PDE1C: variants seen among roughly 807,000 people sequenced by gnomAD.
PDE1C encodes dual specificity calcium/calmodulin-dependent 3',5'-cyclic nucleotide phosphodiesterase 1C.
PDE1C carries 62 observed loss-of-function variants against 93.1 expected under a neutral mutation model. The ratio of observed to expected loss-of-function variants is 0.67; its 90% CI spans 0.54 to 0.82. The LOEUF is 0.82. Among genes scored for constraint, PDE1C ranks in the 40% least tolerant of loss-of-function variants. PDE1C has a pLI of 0.00. For missense variants in PDE1C, 742 were observed against 884.6 expected (o/e 0.84, Z 2.04); for synonymous variants, 325 against 310.1 (o/e 1.05, Z -0.50).
intron 1 of PDE1C, among the ~76,000 whole-genome samples, chr7:32,336,482 T>G (rs1301996796): frequency 2.6e-5 from 4 of 152,190 alleles, no homozygotes; most frequent in Non-Finnish European, 5.9e-5. Context: ...ATTAGAAACA[T>G]AAGTCTCATA....
intron 3 of PDE1C, among the ~76,000 whole-genome samples, chr7:32,113,232 CTTAAATATATATATATATATAT>C (rs1369410737): frequency 2.3e-5 from 1 of 42,938 alleles, no homozygotes; most frequent in Non-Finnish European, 4.4e-5. Flanking sequence ...ATATATTGTC[CTTAAATATATATATATATATAT>C]ATATATATAT....
In PDE1C at chr7:32,096,816, TAGAA is replaced by T. The variant is rs1177223261; in HGVS notation, c.308+72965_308+72968del. On this transcript the variant is annotated intron_variant, in intron 3 of 18. Transcript: ENST00000396193. ...GCAGAGAATCAGAACCAGTAGGGGATAGAAAGATAGATAGATAGATAGATAGATA... is the reference window on the plus strand; with the variant it reads ...GCAGAGAATCAGAACCAGTAGGGGATAGATAGATAGATAGATAGATAGATA... Among the ~76,000 whole-genome samples, 660 of 133,178 alleles carry T rather than the reference TAGAA, an allele frequency of 5.0e-3. 8 individuals carry two copies. The highest frequency in any genetic ancestry group is 0.016 in the African/African-American group (586 of 35,630). 87.4% of individuals were successfully genotyped at this position (133,178 alleles called of 152,430 possible).
chr7:32,026,057 C>T (rs181040686), intron 2 of PDE1C, among the ~76,000 whole-genome samples: 8 of 151,876 alleles, frequency 5.3e-5, no homozygotes, highest in Non-Finnish European at 7.4e-5. Flanking sequence ...CACACACAAG[C>T]GTGTGCATGC....
chr7:32,185,135 A>G (rs1456251167), intron 2 of PDE1C, among the ~76,000 whole-genome samples: 1 of 151,006 alleles, frequency 6.6e-6, no homozygotes, highest in Non-Finnish European at 1.5e-5. Context: ...GAAAAAAAAA[A>G]ACAACTTCTT....
chr7:32,079,357 A>T (rs1445797297), intron 3 of PDE1C, among the ~76,000 whole-genome samples: 1 of 152,246 alleles, frequency 6.6e-6, no homozygotes, highest in Non-Finnish European at 1.5e-5. Context: ...AAGGGTGCTG[A>T]AAAGAAAAAC....
chr7:32,113,213 TA>T (rs1366179085), intron 3 of PDE1C, among the ~76,000 whole-genome samples: 1 of 123,638 alleles, frequency 8.1e-6, no homozygotes, highest in Non-Finnish European at 1.7e-5. Flanking sequence ...GTTATATTTA[TA>T]AATATAAATA....
At chr7:32,064,489 G>A (rs1035481318) in intron 1 of PDE1C, among the ~76,000 whole-genome samples, 10 of 151,978 alleles carry the variant, frequency 6.6e-5, no homozygotes, top group South Asian at 2.1e-4. Flanking sequence ...CTTCAGCAGC[G>A]CTACCCCAAA....
At chr7:32,184,538 C>T (rs1361843982) in intron 2 of PDE1C, among the ~76,000 whole-genome samples, 1 of 152,116 alleles carries the variant, frequency 6.6e-6, no homozygotes, top group African/African-American at 2.4e-5. Context: ...TCTCAGCAAA[C>T]TATTGCAAGG....
intron 2 of PDE1C, among the ~76,000 whole-genome samples, chr7:32,205,692 T>A (rs1805401075): frequency 6.6e-6 from 1 of 152,194 alleles, no homozygotes; most frequent in Non-Finnish European, 1.5e-5. Flanking sequence ...TGCTGGCTTT[T>A]TAGGTCTGCA....
Position 31,753,099 on chromosome 7 carries a change from T to G in PDE1C, c.*285A>C, listed in dbSNP as rs1233511026. ...TTTTTAAGTTTGTGTCATTTTAATT[T>G]TGGTCCAATTTAGACTTTTAGAGAC... On this transcript the variant is annotated 3_prime_UTR_variant, in exon 18 of 18. Coordinates refer to ENST00000396191, the MANE Select transcript of PDE1C (RefSeq NM_001191057.4). The G allele has an allele frequency of 4.5e-6, 1 of 220,522 alleles. No individual in the cohort carries two copies. Among genetic ancestry groups the G allele is most frequent in the Admixed American group, 5.8e-5 (1 of 17,322 alleles). The allele number at this position is 220,522 out of a possible 1,614,324, so 13.7% of individuals were successfully genotyped here.
intron 2 of PDE1C, among the ~76,000 whole-genome samples, chr7:31,975,789 G>C (rs1284905684): frequency 6.6e-6 from 1 of 152,156 alleles, no homozygotes; most frequent in African/African-American, 2.4e-5. Flanking sequence ...GTGCCACTTA[G>C]ATATGATTTC....
At chr7:32,021,823 A>C (rs1250983278) in intron 2 of PDE1C, among the ~76,000 whole-genome samples, 2 of 152,070 alleles carry the variant, frequency 1.3e-5, no homozygotes, top group Non-Finnish European at 2.9e-5. Flanking sequence ...AACTGAAGTG[A>C]GTCCTATTGC....
rs368542789 is a variant in PDE1C, at chr7:32,278,127, C to A, written c.85+20524G>T. Among the ~76,000 whole-genome samples the A allele has an allele frequency of 2.0e-3, 272 of 135,806 alleles. 2 individuals carry two copies. Among genetic ancestry groups the A allele is most frequent in the South Asian group, 2.8e-3 (12 of 4,342 alleles). 89.1% of individuals were successfully genotyped at this position (135,806 alleles called of 152,430 possible). A position where few individuals can be genotyped will look rare whatever the true frequency, so the allele number is the denominator to read the frequency against. On this transcript the variant is annotated intron_variant, in intron 1 of 18. Coordinates refer to the PDE1C transcript ENST00000396193. ...ATGGAAATTAAACACAACGAGTTGC[C>A]AAAAAAAAAAAAATGCAGGAGAGAA...
intron 1 of PDE1C, among the ~76,000 whole-genome samples, chr7:32,248,182 T>C (rs1809104816): frequency 6.6e-6 from 1 of 152,086 alleles, no homozygotes; most frequent in African/African-American, 2.4e-5. Context: ...GGCATCTAAG[T>C]AGAGAGGTCC....
chr7:31,928,981 C>A (rs796716829), intron 2 of PDE1C, among the ~76,000 whole-genome samples: 1 of 152,064 alleles, frequency 6.6e-6, no homozygotes, highest in African/African-American at 2.4e-5. Flanking sequence ...TTAAGAGACA[C>A]AGACTGGCAA....
At chr7:31,760,470 G>A (rs1048009191) in intron 17 of PDE1C, among the ~76,000 whole-genome samples, 17 of 152,032 alleles carry the variant, frequency 1.1e-4, no homozygotes, top group African/African-American at 3.9e-4. Flanking sequence ...CATAGCACTG[G>A]CCTTGGTCCT....
chr7:31,769,244 T>A lies in PDE1C; in HGVS notation c.1960+6420A>T, dbSNP rs185274535. Among the ~76,000 whole-genome samples, 83 of 152,362 alleles carry A rather than the reference T, an allele frequency of 5.4e-4. 1 individual carries two copies. The highest frequency in any genetic ancestry group is 1.9e-3 in the African/African-American group (81 of 41,586). On this transcript the variant is annotated intron_variant, in intron 17 of 17. Coordinates refer to ENST00000396191, the MANE Select transcript of PDE1C (RefSeq NM_001191057.4). ...CTATTTTCCCTTAGCATATGGAAGA[T>A]ATTTTCTTCATTGTCTTCTGGCTTC...
the PDE1C span, among the ~76,000 whole-genome samples, chr7:31,682,732 CA>C: frequency 3.6e-3 from 550 of 152,244 alleles, 1 homozygote; most frequent in Non-Finnish European, 4.2e-3. Flanking sequence ...AGATGTCTTT[CA>C]GCAGATGAAT....
At chr7:31,733,957 T>C in the PDE1C span, among the ~76,000 whole-genome samples, 1 of 152,056 alleles carries the variant, frequency 6.6e-6, no homozygotes, top group East Asian at 1.9e-4. Context: ...TGAGCCGAGA[T>C]CATGCCACTG....
Sources: gnomAD v4.1 joint callset for allele counts (sites outside exome capture counted in the v4.1 genomes callset) on GRCh38, gnomAD v4.1.1 for gene constraint, MANE v1.5 for transcripts, NCBI Gene and HGNC (gene_info 2026-07-23, HGNC 2026-07-21) for gene names.